The following LUZP2 variants were observed in gnomAD, a reference collection of about 807,000 sequenced individuals.
LUZP2 encodes the protein leucine zipper protein 2.
LUZP2 carries 52 observed loss-of-function variants against 51.6 expected under a neutral mutation model. That is an observed-to-expected ratio of 1.01 (90% CI 0.81 to 1.27). The LOEUF is 1.27. LUZP2 is among the 50% of genes most tolerant of loss of function. The pLI, the probability that LUZP2 is intolerant of heterozygous loss-of-function variation, is 0.00. For missense variants in LUZP2, 436 were observed against 395.4 expected, an observed-to-expected ratio of 1.10 and a Z score of -0.87; for synonymous variants, 154 against 137.3, an observed-to-expected ratio of 1.12 and a Z score of -0.85.
chr11:24,607,716 G>A (rs948628042), intron 1 of LUZP2, among the ~76,000 whole-genome samples: 1 of 151,900 alleles, frequency 6.6e-6, no homozygotes, highest in African/African-American at 2.4e-5. Context: ...ATCTGTTGGG[G>A]TAGTATGGAC....
At chr11:24,905,174 C>A (rs1046390912) in intron 5 of LUZP2, among the ~76,000 whole-genome samples, 1 of 151,996 alleles carries the variant, frequency 6.6e-6, no homozygotes, top group Non-Finnish European at 1.5e-5. Context: ...TAGTAGGGTA[C>A]TTTAATACCC....
At chr11:24,655,886 C>A (rs1051720158) in intron 1 of LUZP2, among the ~76,000 whole-genome samples, 2 of 152,134 alleles carry the variant, frequency 1.3e-5, no homozygotes, top group African/African-American at 2.4e-5. Flanking sequence ...AAGTGAGATA[C>A]GAGTATGATA....
chr11:24,729,137 G>A (rs751530493), intron 1 of LUZP2, 32 bp from the exon 2 acceptor site: 2 of 1,200,230 alleles, frequency 1.7e-6, no homozygotes, highest in African/African-American at 1.5e-5. Context: ...GAACCATTTG[G>A]GGGGCTCTCA....
At chr11:25,048,707 G>A (rs1026534452) in intron 9 of LUZP2, among the ~76,000 whole-genome samples, 1 of 151,920 alleles carries the variant, frequency 6.6e-6, no homozygotes, top group Admixed American at 6.6e-5. Flanking sequence ...AGAAAGACAG[G>A]AAAGAAAAAG....
intron 10 of LUZP2, among the ~76,000 whole-genome samples, chr11:25,066,459 T>C (rs1858999659): frequency 6.6e-6 from 1 of 151,946 alleles, no homozygotes; most frequent in African/African-American, 2.4e-5. Context: ...AGATTTAAAT[T>C]TGTCCATTTG....
At chr11:24,905,569 C>T (rs768950575) in intron 5 of LUZP2, among the ~76,000 whole-genome samples, 1 of 152,042 alleles carries the variant, frequency 6.6e-6, no homozygotes, top group Non-Finnish European at 1.5e-5. Flanking sequence ...AGTTAAACTG[C>T]GCTCTAGACC....
chr11:24,981,486 G>T (rs1565187685), intron 8 of LUZP2, among the ~76,000 whole-genome samples: 2 of 151,580 alleles, frequency 1.3e-5, no homozygotes, highest in South Asian at 4.2e-4. Context: ...TTATCAGAAA[G>T]GTCTTTATGA....
intron 9 of LUZP2, among the ~76,000 whole-genome samples, chr11:24,991,487 TTA>T (rs1856342943): frequency 6.6e-6 from 1 of 150,958 alleles, no homozygotes; most frequent in Non-Finnish European, 1.5e-5. Flanking sequence ...AGAATTTGGG[TTA>T]GTTCCACAGT....
rs1477974441 is a variant in LUZP2, at chr11:24,685,454, G to A, written c.63-43715G>A. Among the ~76,000 whole-genome samples, 5 of 152,150 alleles carry A rather than the reference G, an allele frequency of 3.3e-5. No homozygotes were observed. In the East Asian group the frequency reaches 9.7e-4, roughly 29 times the overall value. On this transcript the variant is annotated intron_variant, in intron 1 of 11. Coordinates refer to ENST00000336930, the MANE Select transcript of LUZP2 (RefSeq NM_001009909.4). ...CCTCACACAGCACACTGAAATGTTA[G>A]CGTGACCCTGCAAACCTGCAGATAC...
Position 24,926,274 on chromosome 11 carries a change from TGTATATATATATAC to T in LUZP2, c.522+11739_522+11752del, listed in dbSNP as rs1460316182. ...ATATACGTGTGTGTATATATATACGTGTATATATATATACGTGTGTATATATATACGTGTGTATA... is the reference window on the plus strand; with the variant it reads ...ATATACGTGTGTGTATATATATACGTGTGTGTATATATATACGTGTGTATA... On this transcript the variant is annotated intron_variant, in intron 7 of 11. Transcript: ENST00000336930. Among the ~76,000 whole-genome samples, 206 of 49,576 alleles carry T rather than the reference TGTATATATATATAC, an allele frequency of 4.2e-3. 13 individuals are homozygous for T. The highest frequency in any genetic ancestry group is 0.012 in the African/African-American group (174 of 14,632). 32.5% of individuals were successfully genotyped at this position (49,576 alleles called of 152,430 possible).
At chr11:24,959,647 T>A (rs1855331901) in intron 7 of LUZP2, among the ~76,000 whole-genome samples, 1 of 152,202 alleles carries the variant, frequency 6.6e-6, no homozygotes, top group South Asian at 2.1e-4. Flanking sequence ...TAAGGAGATT[T>A]TGGGCTGAGA....
chr11:24,976,492 T>A, intron 7 of LUZP2, 99 bp from the exon 8 acceptor site: 1 of 683,046 alleles, frequency 1.5e-6, no homozygotes. Flanking sequence ...TTTTTTTCTT[T>A]TCTCTCTTTT....
intron 5 of LUZP2, among the ~76,000 whole-genome samples, chr11:24,884,926 T>G (rs1189524642): frequency 6.6e-6 from 1 of 152,076 alleles, no homozygotes; most frequent in East Asian, 1.9e-4. Context: ...AAATTGATTT[T>G]AGGGTGATTG....
At position 24,984,549 on chromosome 11, in the gene LUZP2, T is replaced by TATATATATATAAAA. The variant is rs60530495; in HGVS notation, c.765+1257_765+1258insTATATATATAAAAA. On this transcript the variant is annotated intron_variant, in intron 9 of 11. Coordinates refer to ENST00000336930, the MANE Select transcript of LUZP2 (RefSeq NM_001009909.4). ...TTATATATATATATATATATATATA[T>TATATATATATAAAA]AATTGTGAATTTTAAAAGCCACAAG... Among the ~76,000 whole-genome samples the TATATATATATAAAA allele has an allele frequency of 3.6e-3, 254 of 71,190 alleles. 3 individuals carry two copies. Among genetic ancestry groups the TATATATATATAAAA allele is most frequent in the African/African-American group, 0.011 (234 of 20,860 alleles). 46.7% of individuals were successfully genotyped at this position (71,190 alleles called of 152,430 possible).
At chr11:24,919,994 C>G (rs1256463478) in intron 7 of LUZP2, among the ~76,000 whole-genome samples, 1 of 151,616 alleles carries the variant, frequency 6.6e-6, no homozygotes, top group Admixed American at 6.6e-5. Flanking sequence ...AAGTTGTGTT[C>G]CTTTAAGAGA....
In LUZP2 at chr11:24,905,975, A is replaced by G. The variant is rs758428941; in HGVS notation, c.397-16A>G. On this transcript the variant is annotated splice_polypyrimidine_tract_variant and intron_variant, in intron 5 of 11. Transcript: ENST00000336930. ...TTTGTCTCTTCTTTGCAATAAAACT[A>G]TGTTTTCTTCCTCAGAATAAAAGCT... 5.4e-5 allele frequency: 85 copies of G among 1,585,866 alleles called. No homozygotes were observed. Among genetic ancestry groups the G allele is most frequent in the Non-Finnish European group, 7.3e-5 (84 of 1,155,128 alleles).
chr11:24,591,003 T>C (rs1395042504), intron 1 of LUZP2, among the ~76,000 whole-genome samples: 5 of 152,180 alleles, frequency 3.3e-5, no homozygotes, highest in African/African-American at 4.8e-5. Context: ...CCCAGTGCTT[T>C]GGAGGCTGAG....
At chr11:24,728,442 T>C (rs1340687932) in intron 1 of LUZP2, among the ~76,000 whole-genome samples, 1 of 152,012 alleles carries the variant, frequency 6.6e-6, no homozygotes, top group Non-Finnish European at 1.5e-5. Flanking sequence ...AGCGTAATCT[T>C]TTGTCTGGAC....
chr11:24,937,763 T>C (rs1396881448), intron 7 of LUZP2, among the ~76,000 whole-genome samples: 1 of 151,528 alleles, frequency 6.6e-6, no homozygotes, highest in African/African-American at 2.4e-5. Context: ...TAGCCGGGCG[T>C]GGTGGCGGGC....
Sources: gnomAD v4.1 joint callset for allele counts (sites outside exome capture counted in the v4.1 genomes callset) on GRCh38, gnomAD v4.1.1 for gene constraint, MANE v1.5 for transcripts, NCBI Gene and HGNC (gene_info 2026-07-23, HGNC 2026-07-21) for gene names.